The following DMD variants were observed in gnomAD, a reference collection of about 807,000 sequenced individuals.
DMD encodes mutant dystrophin.
In DMD, 63 loss-of-function variants were observed where a neutral mutation model predicts 330.1. The ratio of observed to expected loss-of-function variants is 0.19; its 90% CI spans 0.16 to 0.24. The LOEUF (loss-of-function observed/expected upper bound fraction) is 0.24, where lower values mean the gene tolerates loss of function less well. DMD is among the 10% of genes least tolerant of loss of function. The pLI is 1.00. For missense variants in DMD, 3,344 were observed against 2,684.1 expected, an observed-to-expected ratio of 1.25 and a Z score of -5.43; for synonymous variants, 1,223 against 959.8, an observed-to-expected ratio of 1.27 and a Z score of -5.07.
intron 1 of DMD, among the ~76,000 whole-genome samples, chrX:33,278,760 T>G (rs766690631): frequency 9.0e-6 from 1 of 111,422 alleles, no homozygotes; most frequent in Non-Finnish European, 1.9e-5. Flanking sequence ...ATCTCCAAAC[T>G]GCTTTTCACA....
At chrX:31,991,758 C>CT (rs1182436656) in intron 44 of DMD, among the ~76,000 whole-genome samples, 1 of 42,657 alleles carries the variant, frequency 2.3e-5, no homozygotes, top group East Asian at 7.4e-4. Context: ...GGGTTACAGA[C>CT]TTTAAAAAAA....
chrX:32,915,804 CTG>C (rs1032912060), intron 2 of DMD, among the ~76,000 whole-genome samples: 4 of 111,692 alleles, frequency 3.6e-5, no homozygotes, highest in African/African-American at 1.3e-4. Flanking sequence ...GTATTAAAAA[CTG>C]AGGCTCAGAA....
intron 43 of DMD, among the ~76,000 whole-genome samples, chrX:32,261,649 AAAG>A (rs1369401652): frequency 2.7e-5 from 3 of 112,051 alleles, no homozygotes; most frequent in Non-Finnish European, 3.8e-5. Flanking sequence ...TAATGCCTCA[AAAG>A]AACAACCTAC....
intron 7 of DMD, among the ~76,000 whole-genome samples, chrX:32,785,563 T>C (rs2075279142): frequency 1.8e-5 from 2 of 111,632 alleles, no homozygotes; most frequent in Middle Eastern, 4.7e-3. Context: ...AATGTACATT[T>C]CTGTTTATGA....
intron 9 of DMD, among the ~76,000 whole-genome samples, chrX:32,654,205 G>C (rs2060388197): frequency 9.0e-6 from 1 of 111,525 alleles, no homozygotes. Context: ...GGAGTGGTGA[G>C]AGAGGGCATC....
intron 7 of DMD, among the ~76,000 whole-genome samples, chrX:32,713,669 A>T (rs953646839): frequency 8.9e-6 from 1 of 111,926 alleles, no homozygotes; most frequent in East Asian, 2.8e-4. Flanking sequence ...TCATTTTACC[A>T]TCTGAGATAA....
chrX:32,224,758 G>C (rs994896390), intron 43 of DMD, among the ~76,000 whole-genome samples: 2 of 111,326 alleles, frequency 1.8e-5, no homozygotes, highest in Non-Finnish European at 3.8e-5. Flanking sequence ...TAGGTTGTGA[G>C]CCTTGTTCTC....
At chrX:32,139,375 A>T (rs1390797305) in intron 44 of DMD, among the ~76,000 whole-genome samples, 1 of 112,469 alleles carries the variant, frequency 8.9e-6, no homozygotes, top group Admixed American at 9.4e-5. Flanking sequence ...ACCCAAAGTT[A>T]TGACACTGAA....
intron 1 of DMD, among the ~76,000 whole-genome samples, chrX:33,114,202 C>T (rs1243837619): frequency 7.4e-5 from 8 of 107,429 alleles, no homozygotes; most frequent in Admixed American, 1.0e-4. Context: ...CTCCACCTCC[C>T]GGGTTCAAGC....
intron 2 of DMD, among the ~76,000 whole-genome samples, chrX:32,881,193 A>G (rs112702322): frequency 8.9e-6 from 1 of 112,502 alleles, no homozygotes; most frequent in Non-Finnish European, 1.9e-5. Context: ...CTAAGTATTT[A>G]TCAAATTCTT....
chrX:32,860,780 C>T (rs1236692928), intron 2 of DMD, among the ~76,000 whole-genome samples: 1 of 110,841 alleles, frequency 9.0e-6, no homozygotes, highest in Non-Finnish European at 1.9e-5. Context: ...AGCTTCCTCA[C>T]ACCCCCTATG....
intron 77 of DMD, 128 bp from the exon 78 acceptor site, chrX:31,126,801 TGGAA>T: frequency 4.2e-6 from 1 of 237,907 alleles, no homozygotes. Flanking sequence ...TATTCTCTGC[TGGAA>T]AAAAAAAAAA....
At chrX:32,516,912 A>G (rs1247661971) in intron 18 of DMD, 1 of 112,217 alleles carries the variant, frequency 8.9e-6, no homozygotes, top group South Asian at 3.6e-4. Context: ...TATAAAGCTA[A>G]TAAGTAATTT....
chrX:31,456,847 T>TGC (rs2066203401), intron 59 of DMD, among the ~76,000 whole-genome samples: 1 of 96,730 alleles, frequency 1.0e-5, no homozygotes, highest in Non-Finnish European at 2.1e-5. Context: ...TGTGTGTGTG[T>TGC]GTGTGTGTGT....
chrX:32,537,406 T>C (rs753097938), intron 17 of DMD, among the ~76,000 whole-genome samples: 9 of 111,313 alleles, frequency 8.1e-5, no homozygotes, highest in South Asian at 7.6e-4. Flanking sequence ...GAGTCTTATG[T>C]AGACTGACAT....
intron 34 of DMD, among the ~76,000 whole-genome samples, chrX:32,376,246 G>T (rs756783853): frequency 8.9e-6 from 1 of 111,757 alleles, no homozygotes; most frequent in Admixed American, 9.5e-5. Context: ...TTGCACTCCA[G>T]GATCGGTGAC....
intron 12 of DMD, among the ~76,000 whole-genome samples, chrX:32,613,674 C>T (rs1268460196): frequency 9.1e-6 from 1 of 110,144 alleles, no homozygotes; most frequent in Non-Finnish European, 1.9e-5. Flanking sequence ...CAAGTAATCC[C>T]TATGAAGTCT....
chrX:31,487,185 G>A (rs1202645123), intron 57 of DMD, among the ~76,000 whole-genome samples: 1 of 111,832 alleles, frequency 8.9e-6, no homozygotes, highest in Admixed American at 9.5e-5. Flanking sequence ...GGGTATCTGG[G>A]CTATAAAGAA....
chrX:31,350,647 G>C (rs1056075421), intron 60 of DMD, among the ~76,000 whole-genome samples: 4 of 104,637 alleles, frequency 3.8e-5, no homozygotes, highest in African/African-American at 7.5e-5. Flanking sequence ...GAGAGAGAGA[G>C]AGAGAGAGAG....
Sources: gnomAD v4.1 joint callset for allele counts (sites outside exome capture counted in the v4.1 genomes callset) on GRCh38, gnomAD v4.1.1 for gene constraint, MANE v1.5 for transcripts, NCBI Gene and HGNC (gene_info 2026-07-23, HGNC 2026-07-21) for gene names.